CCSER1: variants seen among roughly 807,000 people sequenced by gnomAD.
CCSER1 encodes the protein serine-rich coiled-coil domain-containing protein 1.
A neutral mutation model predicts 82.0 loss-of-function variants in CCSER1; 41 were observed. The observed-to-expected ratio is 0.50, with a 90% confidence interval of 0.39 to 0.65. The LOEUF (loss-of-function observed/expected upper bound fraction) is 0.65. CCSER1 is among the 30% of genes least tolerant of loss of function. The pLI, the probability that CCSER1 is intolerant of heterozygous loss-of-function variation, is 0.00. For missense variants in CCSER1, 1,119 were observed against 1,064.2 expected (o/e 1.05, Z -0.72); for synonymous variants, 414 against 383.9 (o/e 1.08, Z -0.92).
chr4:90,591,669 C>T (rs1188312758), intron 5 of CCSER1, among the ~76,000 whole-genome samples: 1 of 152,146 alleles, frequency 6.6e-6, no homozygotes, highest in African/African-American at 2.4e-5. Flanking sequence ...TTTGACTCCG[C>T]AATCCCATTA....
intron 10 of CCSER1, among the ~76,000 whole-genome samples, chr4:91,331,442 C>G (rs1460735007): frequency 6.6e-6 from 1 of 152,048 alleles, no homozygotes; most frequent in Non-Finnish European, 1.5e-5. Flanking sequence ...CATCTTTTAG[C>G]CTCATCTTGT....
At chr4:91,148,009 A>G (rs1317923502) in intron 10 of CCSER1, among the ~76,000 whole-genome samples, 3 of 152,236 alleles carry the variant, frequency 2.0e-5, no homozygotes, top group Non-Finnish European at 2.9e-5. Context: ...ACAAAAATGT[A>G]TCTACCTAGA....
intron 10 of CCSER1, among the ~76,000 whole-genome samples, chr4:91,544,755 G>T (rs533927736): frequency 1.3e-5 from 2 of 151,204 alleles, no homozygotes; most frequent in South Asian, 4.3e-4. Flanking sequence ...CTACTCGGGG[G>T]TCAGGGACCC....
intron 10 of CCSER1, among the ~76,000 whole-genome samples, chr4:91,460,496 GGAAGAAGAGAAA>G: frequency 6.6e-6 from 1 of 152,090 alleles, no homozygotes; most frequent in Admixed American, 6.6e-5. Flanking sequence ...CCTGTACCCA[GGAAGAAGAGAAA>G]CAATTTTTGT....
chr4:90,944,021 C>T (rs1219213985), intron 9 of CCSER1, among the ~76,000 whole-genome samples: 1 of 151,820 alleles, frequency 6.6e-6, no homozygotes, highest in Non-Finnish European at 1.5e-5. Flanking sequence ...ATTGCCTGAG[C>T]TCAGGAGTTT....
chr4:90,424,781 C>T (rs560632053), intron 4 of CCSER1, among the ~76,000 whole-genome samples: 8 of 152,264 alleles, frequency 5.3e-5, no homozygotes, highest in African/African-American at 1.9e-4. Context: ...GCAATTTTAT[C>T]GGATGTCAAT....
At chr4:90,470,458 A>C (rs1764206025) in intron 5 of CCSER1, among the ~76,000 whole-genome samples, 1 of 152,218 alleles carries the variant, frequency 6.6e-6, no homozygotes, top group South Asian at 2.1e-4. Flanking sequence ...CCAGTGACAG[A>C]AGCCAAATGC....
At chr4:90,716,609 A>G (rs187623612) in intron 6 of CCSER1, among the ~76,000 whole-genome samples, 1 of 152,140 alleles carries the variant, frequency 6.6e-6, no homozygotes, top group East Asian at 1.9e-4. Flanking sequence ...CTATGTTTAG[A>G]TATGGTTGGA....
chr4:91,145,161 T>C (rs755514247), intron 10 of CCSER1, among the ~76,000 whole-genome samples: 42 of 152,170 alleles, frequency 2.8e-4, no homozygotes, highest in Non-Finnish European at 4.3e-4. Flanking sequence ...CATATGTGTA[T>C]AAAATAGTTC....
Position 91,442,300 on chromosome 4 carries a change from C to A in CCSER1, c.2218-156272C>A, listed in dbSNP as rs377016804. The stretch of plus-strand genomic sequence containing the variant: ...TATAGATCAATGGAACAGAACAGAG[C>A]CCTCAGAAATAATGCCGCATATCTA... On this transcript the variant is annotated intron_variant, in intron 10 of 10. Transcript: ENST00000509176. Among the ~76,000 whole-genome samples the A allele has an allele frequency of 2.0e-5, 3 of 152,106 alleles. 1 individual carries two copies. The East Asian group carries it at 5.8e-4, about 30-fold the overall frequency.
At chr4:90,459,630 A>G (rs909356934) in intron 4 of CCSER1, among the ~76,000 whole-genome samples, 35 of 152,014 alleles carry the variant, frequency 2.3e-4, no homozygotes, top group African/African-American at 8.2e-4. Flanking sequence ...TGTTTTTTCC[A>G]CTATGTCTGC....
At chr4:90,572,546 G>C (rs1333715836) in intron 5 of CCSER1, among the ~76,000 whole-genome samples, 1 of 150,982 alleles carries the variant, frequency 6.6e-6, no homozygotes. Flanking sequence ...CTCTGCATTT[G>C]TTTAAATAAC....
chr4:90,931,475 T>C (rs1277212678), intron 9 of CCSER1, among the ~76,000 whole-genome samples: 1 of 152,166 alleles, frequency 6.6e-6, no homozygotes, highest in African/African-American at 2.4e-5. Context: ...TCAAATTAAC[T>C]CTCAGAAACA....
intron 3 of CCSER1, among the ~76,000 whole-genome samples, chr4:90,318,002 T>G (rs998377200): frequency 7.2e-5 from 11 of 152,192 alleles, no homozygotes; most frequent in African/African-American, 2.7e-4. Flanking sequence ...ACTTAATGAC[T>G]CATATTCCCA....
intron 9 of CCSER1, among the ~76,000 whole-genome samples, chr4:91,080,155 A>G (rs1722542712): frequency 6.6e-6 from 1 of 152,200 alleles, no homozygotes; most frequent in Admixed American, 6.5e-5. Flanking sequence ...AATATTGACC[A>G]CATAGTCAGA....
chr4:90,847,004 C>A (rs1469497621), intron 8 of CCSER1, among the ~76,000 whole-genome samples: 3 of 152,162 alleles, frequency 2.0e-5, no homozygotes, highest in Non-Finnish European at 4.4e-5. Flanking sequence ...TAATTCTTTA[C>A]AATGGGGTGT....
intron 10 of CCSER1, among the ~76,000 whole-genome samples, chr4:91,164,606 T>C (rs985858348): frequency 2.6e-5 from 4 of 152,204 alleles, no homozygotes; most frequent in African/African-American, 7.2e-5. Context: ...TAGTCCCATA[T>C]TTCTTGTAGG....
At chr4:90,500,432 A>G (rs888769129) in intron 5 of CCSER1, among the ~76,000 whole-genome samples, 1 of 151,994 alleles carries the variant, frequency 6.6e-6, no homozygotes, top group Non-Finnish European at 1.5e-5. Context: ...CCCAGGATCA[A>G]GTGACTCTGG....
chr4:90,780,978 A>G (rs1753692042), intron 7 of CCSER1: 1 of 225,918 alleles, frequency 4.4e-6, no homozygotes, highest in Non-Finnish European at 7.4e-6. Flanking sequence ...GGAAGCTTCC[A>G]ATCGTGGCGG....
Sources: gnomAD v4.1 joint callset for allele counts (sites outside exome capture counted in the v4.1 genomes callset) on GRCh38, gnomAD v4.1.1 for gene constraint, MANE v1.5 for transcripts, NCBI Gene and HGNC (gene_info 2026-07-23, HGNC 2026-07-21) for gene names.